The following SPMIP9 variants were observed in gnomAD, a reference collection of about 807,000 sequenced individuals.
The protein encoded by SPMIP9 is protein SPMIP9.
At chr2:88,529,201 G>A in the SPMIP9 span, 3 of 1,614,184 alleles carry the variant, frequency 1.9e-6, no homozygotes, top group South Asian at 3.3e-5. Context: ...TCCCATCACA[G>A]GAACATGAGG....
the SPMIP9 span, among the ~76,000 whole-genome samples, chr2:88,525,388 GT>G: frequency 2.6e-5 from 4 of 152,208 alleles, no homozygotes; most frequent in Admixed American, 2.6e-4. Context: ...AACCTGATCA[GT>G]AAATGTGATC....
At chr2:88,528,608 T>C in the SPMIP9 span, among the ~76,000 whole-genome samples, 1 of 152,218 alleles carries the variant, frequency 6.6e-6, no homozygotes, top group Admixed American at 6.5e-5. Context: ...AAAAATCTTC[T>C]CCCGTCCTGA....
At chr2:88,526,270 A>G in the SPMIP9 span, 1 of 692,646 alleles carries the variant, frequency 1.4e-6, no homozygotes, top group Non-Finnish European at 2.6e-6. Context: ...AATGGGTCAC[A>G]GCCAGATCAT....
chr2:88,525,765 T>A, the SPMIP9 span: 1 of 1,287,582 alleles, frequency 7.8e-7, no homozygotes, highest in Non-Finnish European at 1.1e-6. Context: ...TAGAAGCTCA[T>A]CTTTCTGTAA....
At chr2:88,528,019 A>G in the SPMIP9 span, among the ~76,000 whole-genome samples, 1 of 152,032 alleles carries the variant, frequency 6.6e-6, no homozygotes. Flanking sequence ...TCATTTGTCG[A>G]TGGAGATTTG....
chr2:88,525,337 A>G, the SPMIP9 span, among the ~76,000 whole-genome samples: 1 of 152,192 alleles, frequency 6.6e-6, no homozygotes, highest in Non-Finnish European at 1.5e-5. Context: ...ATTTACCAGC[A>G]CTTCACTTGC....
the SPMIP9 span, chr2:88,526,630 G>A: frequency 1.4e-6 from 1 of 725,988 alleles, no homozygotes; most frequent in Non-Finnish European, 2.4e-6. Context: ...ATATGACTTA[G>A]AGATCTTTTC....
At chr2:88,529,154 C>G in the SPMIP9 span, 1 of 1,614,170 alleles carries the variant, frequency 6.2e-7, no homozygotes, top group Non-Finnish European at 8.5e-7. Context: ...CAAAAGACCC[C>G]ACATGACTGC....
At chr2:88,528,466 A>G in the SPMIP9 span, among the ~76,000 whole-genome samples, 1 of 152,170 alleles carries the variant, frequency 6.6e-6, no homozygotes, top group African/African-American at 2.4e-5. Context: ...TCAGTTATAT[A>G]TGTGGATAAA....
the SPMIP9 span, chr2:88,526,548 T>TC: frequency 7.3e-7 from 1 of 1,374,154 alleles, no homozygotes. Flanking sequence ...ACTGAAATCC[T>TC]CTCTGTTGCT....
At chr2:88,525,297 C>T in the SPMIP9 span, among the ~76,000 whole-genome samples, 2 of 152,226 alleles carry the variant, frequency 1.3e-5, no homozygotes, top group Non-Finnish European at 1.5e-5. Context: ...AACCCAGGGC[C>T]TATTTTCCCT....
the SPMIP9 span, among the ~76,000 whole-genome samples, chr2:88,527,560 C>A: frequency 1.3e-5 from 2 of 152,180 alleles, no homozygotes; most frequent in African/African-American, 4.8e-5. Context: ...TACCCTTCCA[C>A]AATTGTCACT....
the SPMIP9 span, chr2:88,525,665 G>A: frequency 6.2e-6 from 10 of 1,614,044 alleles, no homozygotes; most frequent in Non-Finnish European, 8.5e-6. Context: ...TGAAATACCC[G>A]GGACAGGTGA....
At chr2:88,526,323 CA>C in the SPMIP9 span, 1 of 1,146,648 alleles carries the variant, frequency 8.7e-7, no homozygotes, top group South Asian at 1.2e-5. Context: ...CTTTGTCCTA[CA>C]AACAGCAAGA....
At chr2:88,527,089 C>T in the SPMIP9 span, among the ~76,000 whole-genome samples, 20 of 152,274 alleles carry the variant, frequency 1.3e-4, 1 homozygote, top group East Asian at 3.7e-3. Flanking sequence ...CCGCTTAAAA[C>T]ATGGCACATT....
At chr2:88,525,694 C>G in the SPMIP9 span, 1 of 1,614,004 alleles carries the variant, frequency 6.2e-7, no homozygotes, top group African/African-American at 1.3e-5. Flanking sequence ...GGTTTCTGTC[C>G]CCTGTGACGG....
chr2:88,528,554 T>C, the SPMIP9 span, among the ~76,000 whole-genome samples: 1 of 152,258 alleles, frequency 6.6e-6, no homozygotes, highest in African/African-American at 2.4e-5. Context: ...ATAGTTAGAT[T>C]TATCAGTTTT....
chr2:88,525,796 GGT>G, the SPMIP9 span: 1 of 942,090 alleles, frequency 1.1e-6, no homozygotes, highest in Non-Finnish European at 1.6e-6. Context: ...GGGTTTTGTG[GGT>G]TTTTTTTTTT....
chr2:88,525,584 T>A, the SPMIP9 span: 1 of 1,608,136 alleles, frequency 6.2e-7, no homozygotes, highest in Non-Finnish European at 8.5e-7. Flanking sequence ...AGATAGTGGC[T>A]ACTTTCCTTG....
Sources: allele counts gnomAD v4.1 joint callset (sites outside exome capture counted in the v4.1 genomes callset), GRCh38; gene constraint gnomAD v4.1.1; transcripts MANE v1.5; gene names NCBI Gene and HGNC (gene_info 2026-07-23, HGNC 2026-07-21).